Variants in MYO5C observed in about 807,000 individuals in gnomAD.
MYO5C encodes the protein unconventional myosin-Vc.
MYO5C carries 194 observed loss-of-function variants against 235.7 expected under a neutral mutation model. The observed-to-expected ratio is 0.82, with a 90% CI of 0.73 to 0.93. The LOEUF (loss-of-function observed/expected upper bound fraction) is 0.93. Ranked by LOEUF, MYO5C falls within the 40% of genes least tolerant of loss-of-function variation. The probability of loss-of-function intolerance (pLI) is 0.00; values close to 1 mark genes in which losing one functional copy is unlikely to be tolerated. For synonymous variants in MYO5C, 707 were observed against 754.8 expected, an observed-to-expected ratio of 0.94 and a Z score of 1.04; for missense variants, 2,038 against 2,127.2, an observed-to-expected ratio of 0.96 and a Z score of 0.82.
chr15:52,256,589 G>GCGCGCGCGCGCA lies in MYO5C; in HGVS notation c.1395+49_1395+50insTGCGCGCGCGCG, dbSNP rs748562239. 2,500 of 417,698 alleles carry GCGCGCGCGCGCA rather than the reference G, an allele frequency of 6.0e-3. 41 individuals are homozygous for GCGCGCGCGCGCA. The highest frequency in any genetic ancestry group is 0.053 in the East Asian group (991 of 18,538). The allele number at this position is 417,698 out of a possible 1,614,324, so 25.9% of individuals were successfully genotyped here. ...CACACACACACACACACACACACAC[G>GCGCGCGCGCGCA]CGCGCGCGCGCGGCTGAGAACTAGT... On this transcript the variant is annotated intron_variant, in intron 11 of 40. Transcript: ENST00000261839.
At chr15:52,224,235 A>G (rs958158091) in intron 28 of MYO5C, among the ~76,000 whole-genome samples, 1 of 152,226 alleles carries the variant, frequency 6.6e-6, no homozygotes, top group African/African-American at 2.4e-5. Context: ...GTGAGCCAAG[A>G]TCTTGCCACT....
At chr15:52,271,616 G>C (rs2036927405) in intron 7 of MYO5C, 147 bp downstream of exon 7, 2 of 459,274 alleles carry the variant, frequency 4.4e-6, no homozygotes, top group Admixed American at 4.0e-5. Context: ...CCCTTAATTA[G>C]ATGCACCAAT....
rs757440724 is a variant in MYO5C, at chr15:52,219,838, C to G, written c.3722-16G>C. The G allele has an allele frequency of 1.2e-4, 194 of 1,598,382 alleles. No individual in the cohort carries two copies. The highest frequency in any genetic ancestry group is 1.6e-4 in the Non-Finnish European group (186 of 1,167,686). ...TCTAGTTTTCCTATAATGAGAAGAACTGTCAGTACTTTGGGGGGGCACATA... is the reference window on the plus strand; with the variant it reads ...TCTAGTTTTCCTATAATGAGAAGAAGTGTCAGTACTTTGGGGGGGCACATA... On this transcript the variant is annotated splice_polypyrimidine_tract_variant and intron_variant, in intron 30 of 40. Transcript: ENST00000261839.
rs2035612278 is a variant in MYO5C, at chr15:52,218,823, G to A, written c.3786-136C>T. 6 of 812,512 alleles carry A rather than the reference G, an allele frequency of 7.4e-6. No individual in the cohort carries two copies. In the East Asian group the frequency reaches 8.0e-5, roughly 11 times the overall value. 50.3% of individuals were successfully genotyped at this position (812,512 alleles called of 1,614,324 possible). A position where few individuals can be genotyped will look rare whatever the true frequency, so the allele number is the denominator to read the frequency against. On this transcript the variant is annotated intron_variant, in intron 31 of 40. Coordinates refer to ENST00000261839, the MANE Select transcript of MYO5C (RefSeq NM_018728.4). ...TTTCTGTGTAAAGCAAATAGTATTC[G>A]AATAGGGGTGTCCTTCCAGGGGAAA...
At chr15:52,247,634 C>T in intron 14 of MYO5C, 42 bp from the exon 15 acceptor site, 1 of 1,607,566 alleles carries the variant, frequency 6.2e-7, no homozygotes, top group Non-Finnish European at 8.5e-7. Context: ...AAAGCAACTG[C>T]CCACAGTACT....
intron 1 of MYO5C, among the ~76,000 whole-genome samples, chr15:52,294,182 T>C (rs540793461): frequency 1.3e-5 from 2 of 152,398 alleles, no homozygotes; most frequent in East Asian, 3.9e-4. Context: ...CTTGCACCTG[T>C]GTGTTTCTGC....
In MYO5C at chr15:52,221,257, T is replaced by C. The variant is rs752189870; in HGVS notation, c.3628-2A>G. 3.2e-6 allele frequency: 5 copies of C among 1,584,002 alleles called. No individual in the cohort carries two copies. The highest frequency in any genetic ancestry group is 1.4e-5 in the African/African-American group (1 of 73,494). On this transcript the variant is annotated splice_acceptor_variant, in intron 29 of 40. Coordinates refer to ENST00000261839, the MANE Select transcript of MYO5C (RefSeq NM_018728.4). LOFTEE classifies it high-confidence loss of function. ...TTGCTGTTTAAAGTCTGGGATCATC[T>C]TTAGAGAAGAATTAGAAATATTAGA...
At chr15:52,283,268 C>T (rs2037197762) in intron 1 of MYO5C, among the ~76,000 whole-genome samples, 1 of 152,234 alleles carries the variant, frequency 6.6e-6, no homozygotes. Flanking sequence ...CTTCTAGTGC[C>T]TCATTTTACT....
At chr15:52,202,588 G>A (rs2035213484) in intron 38 of MYO5C, among the ~76,000 whole-genome samples, 2 of 152,186 alleles carry the variant, frequency 1.3e-5, no homozygotes, top group African/African-American at 4.8e-5. Flanking sequence ...AGGCTCTGAT[G>A]TGGCTTTACT....
intron 38 of MYO5C, among the ~76,000 whole-genome samples, chr15:52,201,039 C>T (rs1364380646): frequency 6.6e-6 from 1 of 152,080 alleles, no homozygotes; most frequent in Non-Finnish European, 1.5e-5. Context: ...TTTTATGGAC[C>T]TGTGGGACAA....
At chr15:52,234,691 G>A (rs2141307272) in intron 23 of MYO5C, among the ~76,000 whole-genome samples, 1 of 152,322 alleles carries the variant, frequency 6.6e-6, no homozygotes, top group African/African-American at 2.4e-5. Context: ...CCTAGAACAG[G>A]AGGGCATGGC....
At chr15:52,286,845 C>G (rs1336166307) in intron 1 of MYO5C, among the ~76,000 whole-genome samples, 5 of 151,424 alleles carry the variant, frequency 3.3e-5, no homozygotes, top group African/African-American at 1.2e-4. Flanking sequence ...CCAGAGACCT[C>G]TGTTCACTTG....
chr15:52,287,976 C>CAA (rs545444260), intron 1 of MYO5C, among the ~76,000 whole-genome samples: 2 of 123,154 alleles, frequency 1.6e-5, no homozygotes. Flanking sequence ...AACTCCGTCT[C>CAA]AAAAAAAAAA....
intron 10 of MYO5C, among the ~76,000 whole-genome samples, chr15:52,260,563 T>C (rs1032229347): frequency 2.3e-4 from 35 of 152,158 alleles, no homozygotes; most frequent in African/African-American, 8.2e-4. Context: ...ACAACGGGGA[T>C]AGTTATAAGG....
Position 52,271,861 on chromosome 15 carries a change from T to C in MYO5C, c.751-17A>G, listed in dbSNP as rs763954929. The C allele has an allele frequency of 3.2e-6, 5 of 1,555,254 alleles. No homozygotes were observed. The highest frequency in any genetic ancestry group is 2.7e-5 in the African/African-American group (2 of 73,590). ...ATTTTCCGACTGTAAGATAAAGAAATGTCCTCAAAATTACACCAAATCCTT... is the reference window on the plus strand; with the variant it reads ...ATTTTCCGACTGTAAGATAAAGAAACGTCCTCAAAATTACACCAAATCCTT... On this transcript the variant is annotated splice_polypyrimidine_tract_variant and intron_variant, in intron 6 of 40. Coordinates refer to ENST00000261839, the MANE Select transcript of MYO5C (RefSeq NM_018728.4).
intron 23 of MYO5C, 40 bp from the exon 24 acceptor site, chr15:52,232,725 T>C: frequency 1.3e-6 from 2 of 1,530,102 alleles, no homozygotes; most frequent in Non-Finnish European, 1.8e-6. Context: ...GTCTGCCAAA[T>C]CAATGCCTTG....
chr15:52,292,099 C>T (rs1431764060), intron 1 of MYO5C, among the ~76,000 whole-genome samples: 4 of 152,078 alleles, frequency 2.6e-5, no homozygotes, highest in Non-Finnish European at 5.9e-5. Context: ...TTTCACATAA[C>T]CATGTTTTCA....
At chr15:52,267,515 A>T (rs1341097144) in intron 8 of MYO5C, among the ~76,000 whole-genome samples, 5 of 152,066 alleles carry the variant, frequency 3.3e-5, no homozygotes, top group Non-Finnish European at 7.4e-5. Context: ...GTGAAACCCC[A>T]TCTCTACTAA....
At chr15:52,284,524 G>A (rs962789973) in intron 1 of MYO5C, among the ~76,000 whole-genome samples, 2 of 152,146 alleles carry the variant, frequency 1.3e-5, no homozygotes, top group African/African-American at 2.4e-5. Context: ...GATGGGGCTC[G>A]GGTTACATAG....
Sources: gnomAD v4.1 joint callset for allele counts (sites outside exome capture counted in the v4.1 genomes callset) on GRCh38, gnomAD v4.1.1 for gene constraint, MANE v1.5 for transcripts, NCBI Gene and HGNC (gene_info 2026-07-23, HGNC 2026-07-21) for gene names.